Variants in GSN observed in about 807,000 individuals in gnomAD.
GSN encodes gelsolin.
GSN carries 56 observed loss-of-function variants against 85.7 expected under a neutral mutation model. The observed-to-expected ratio is 0.65, with a 90% CI of 0.53 to 0.82. The LOEUF is 0.82. Ranked by LOEUF, GSN falls within the 40% of genes least tolerant of loss-of-function variation. GSN has a pLI of 0.00. For missense variants in GSN, 857 were observed against 979.8 expected, an observed-to-expected ratio of 0.87 and a Z score of 1.67; for synonymous variants, 373 against 399.1, an observed-to-expected ratio of 0.93 and a Z score of 0.78.
chr9:121,328,879 C>T lies in GSN; in HGVS notation c.1763-12C>T. On this transcript the variant is annotated splice_polypyrimidine_tract_variant and intron_variant, in intron 14 of 17. Coordinates refer to ENST00000432226, the MANE Select transcript of GSN (RefSeq NM_198252.3). ...GGCGTCCCTTGGCAACTGGCGTGGCCTCCCCTCACAGATGGCTTCTGGGAG... is the reference window on the plus strand; with the variant it reads ...GGCGTCCCTTGGCAACTGGCGTGGCTTCCCCTCACAGATGGCTTCTGGGAG... 6.2e-7 allele frequency: 1 copy of T among 1,610,012 alleles called. No homozygotes were observed. The highest frequency in any genetic ancestry group is 1.1e-5 in the South Asian group (1 of 91,066).
At chr9:121,331,501 G>A (rs779534242) in intron 17 of GSN, 53 bp downstream of exon 17, 2 of 1,024,552 alleles carry the variant, frequency 2.0e-6, no homozygotes, top group Non-Finnish European at 3.0e-6. Context: ...CTTGTGGGGT[G>A]CTGGGAGTGG....
intron 4 of GSN, chr9:121,223,055 CATTTT>C (rs1307371446): frequency 6.6e-6 from 1 of 152,154 alleles, no homozygotes; most frequent in Non-Finnish European, 1.5e-5. Context: ...TCACTTGAGG[CATTTT>C]TTTCCCTTAC....
At chr9:121,208,636 C>T (rs1223606521) in intron 1 of GSN, among the ~76,000 whole-genome samples, 1 of 152,228 alleles carries the variant, frequency 6.6e-6, no homozygotes, top group Non-Finnish European at 1.5e-5. Flanking sequence ...CACATGCCTT[C>T]CTGTTAAGTG....
intron 11 of GSN, among the ~76,000 whole-genome samples, chr9:121,322,640 G>A (rs925132545): frequency 2.0e-5 from 3 of 152,114 alleles, no homozygotes; most frequent in African/African-American, 2.4e-5. Flanking sequence ...GATAGTGTTC[G>A]TAGCATTTTA....
intron 2 of GSN, chr9:121,300,124 T>C (rs930818770): frequency 1.9e-6 from 3 of 1,604,854 alleles, no homozygotes; most frequent in Non-Finnish European, 1.7e-6. Flanking sequence ...GTTTTGTTGC[T>C]TTGTAAGTAT....
Position 121,318,668 on chromosome 9 carries a change from T to A in GSN, c.979T>A (p.Ser327Thr). Residue 327 changes from serine to threonine, a missense_variant, in exon 10 of 18, where the codon TCG becomes ACG. Transcript: ENST00000432226. The surrounding 1 kb of genome is among the most constrained non-coding windows in gnomAD (Gnocchi z 4.3). ...KMDYPKQTQV[S>T]VLPEGGETPL... ...CTCCTCTGCCTCCCCTCCCCAGGTC[T>A]CGGTCCTTCCTGAGGGCGGTGAGAC... The A allele has an allele frequency of 6.2e-7, 1 of 1,611,708 alleles. No homozygotes were observed. The highest frequency in any genetic ancestry group is 8.5e-7 in the Non-Finnish European group (1 of 1,177,758).
chr9:121,291,135 G>A (rs930245996), intron 2 of GSN, among the ~76,000 whole-genome samples: 2 of 151,926 alleles, frequency 1.3e-5, no homozygotes, highest in African/African-American at 2.4e-5. Flanking sequence ...ATAGTTTATT[G>A]TTACATAGAA....
Position 121,317,197 on chromosome 9 carries a change from GGGAAAATCTTTGTCT to G in GSN, c.871_885del (p.Ile291_Lys295del). ...CTTCATCCTGGACCACGGCAAAGAT[GGGAAAATCTTTGTCT>G]GGAAAGGTACTGGAGACAGGGAAAG... is the stretch of plus-strand genomic sequence containing the variant. On this transcript the variant is annotated inframe_deletion, in exon 8 of 18. Coordinates refer to ENST00000432226, the MANE Select transcript of GSN (RefSeq NM_198252.3). 3 of 1,614,170 alleles carry G rather than the reference GGGAAAATCTTTGTCT, an allele frequency of 1.9e-6. No individual in the cohort carries two copies. Among genetic ancestry groups the G allele is most frequent in the Non-Finnish European group, 2.5e-6 (3 of 1,180,016 alleles).
chr9:121,293,695 C>A, intron 2 of GSN, among the ~76,000 whole-genome samples: 1 of 97,690 alleles, frequency 1.0e-5, no homozygotes, highest in Admixed American at 1.3e-4. Flanking sequence ...GAGACCCCAT[C>A]TCAAAAAAAA....
In GSN at chr9:121,332,607, G is replaced by C. The variant is rs1406292881; in HGVS notation, c.*4G>C. On this transcript the variant is annotated 3_prime_UTR_variant, in exon 18 of 18. Transcript: ENST00000432226. This position sits in a 1 kb window ranked among gnomAD's most constrained non-coding sequence, Gnocchi z 4.8. ...CATGGCTGAGCTGGCTGCCTGAGGA[G>C]GGGCAGGGCCCACCCATGTCACCGG... The C allele has an allele frequency of 2.5e-6, 4 of 1,611,778 alleles. No homozygotes were observed. Among genetic ancestry groups the C allele is most frequent in the Non-Finnish European group, 3.4e-6 (4 of 1,178,838 alleles).
At chr9:121,203,677 C>T (rs1415972312), upstream of GSN, among the ~76,000 whole-genome samples, 1 of 152,148 alleles carries the variant, frequency 6.6e-6, no homozygotes, top group African/African-American at 2.4e-5. Flanking sequence ...GACCTGGGTT[C>T]GAATTCCTGC....
chr9:121,260,025 T>C (rs1397160551), intron 6 of GSN, among the ~76,000 whole-genome samples: 2 of 152,182 alleles, frequency 1.3e-5, no homozygotes, highest in Non-Finnish European at 2.9e-5. Context: ...ATATAAGATT[T>C]CTAGCCAGCT....
intron 5 of GSN, among the ~76,000 whole-genome samples, chr9:121,246,440 C>T (rs770550245): frequency 3.2e-4 from 49 of 151,972 alleles, no homozygotes; most frequent in African/African-American, 6.0e-4. Context: ...CTAGTTAATG[C>T]GAAAATGAGG....
In GSN at chr9:121,326,469, C is replaced by G. The variant is rs1416264143; in HGVS notation, c.1417-43C>G. On this transcript the variant is annotated intron_variant, in intron 12 of 17. Coordinates refer to ENST00000432226, the MANE Select transcript of GSN (RefSeq NM_198252.3). ...CAGTGCGACATAGAAGGACTGAAGCCTGCCCCCAAGGTCCCTGACTTGCTC... is the reference window on the plus strand; with the variant it reads ...CAGTGCGACATAGAAGGACTGAAGCGTGCCCCCAAGGTCCCTGACTTGCTC... 5.8e-6 allele frequency: 9 copies of G among 1,555,324 alleles called. No homozygotes were observed. The South Asian group carries it at 1.0e-4, about 17-fold the overall frequency.
chr9:121,213,358 C>T (rs994945169), intron 4 of GSN, among the ~76,000 whole-genome samples: 3 of 152,144 alleles, frequency 2.0e-5, no homozygotes, highest in African/African-American at 7.2e-5. Flanking sequence ...ATCAAAACGA[C>T]AAATCCAGAG....
chr9:121,248,905 T>A (rs2054756949), intron 6 of GSN, among the ~76,000 whole-genome samples: 1 of 152,044 alleles, frequency 6.6e-6, no homozygotes, highest in African/African-American at 2.4e-5. Flanking sequence ...TGGGGGCTGT[T>A]GAAGATTTTT....
Position 121,321,346 on chromosome 9 carries a change from A to G in GSN, c.1270A>G (p.Ile424Val). Residue 424 changes from isoleucine to valine, a missense_variant, in exon 11 of 18, where the codon ATC becomes GTC. Ile to Val is a conservative substitution (Grantham distance 29). Coordinates refer to ENST00000432226, the MANE Select transcript of GSN (RefSeq NM_198252.3). The stretch of plus-strand genomic sequence containing the variant: ...ACAGTTCTATGGAGGCGACAGCTAC[A>G]TCATTCTGTACAACTACCGCCATGG... ...YGQFYGGDSY[I>V]ILYNYRHGGR... is the part of the protein sequence containing the mutation. The G allele has an allele frequency of 6.2e-7, 1 of 1,614,086 alleles. No homozygotes were observed. Among genetic ancestry groups the G allele is most frequent in the Non-Finnish European group, 8.5e-7 (1 of 1,179,930 alleles).
chr9:121,299,940 G>C lies in GSN; in HGVS notation c.-9-2023G>C. ...GTGCGCGCTGTCGCTGCCCGTCCGC[G>C]CGGCCACTGCGTCGCGGGGGGCGTC... is the stretch of plus-strand genomic sequence containing the variant. On this transcript the variant is annotated intron_variant, in intron 2 of 17. Transcript: ENST00000432226. This position sits in a 1 kb window ranked among gnomAD's most constrained non-coding sequence, Gnocchi z 4.2. The C allele has an allele frequency of 7.9e-7, 1 of 1,260,960 alleles. No individual in the cohort carries two copies. The highest frequency in any genetic ancestry group is 2.4e-4 in the Middle Eastern group (1 of 4,154). 78.1% of individuals were successfully genotyped at this position (1,260,960 alleles called of 1,614,324 possible).
upstream of GSN, among the ~76,000 whole-genome samples, chr9:121,206,368 G>A (rs983168991): frequency 6.6e-6 from 1 of 151,934 alleles, no homozygotes; most frequent in African/African-American, 2.4e-5. Flanking sequence ...AAAATCAAGG[G>A]CATGAGACTC....
Sources: gnomAD v4.1 joint callset for allele counts (sites outside exome capture counted in the v4.1 genomes callset) on GRCh38, gnomAD v4.1.1 for gene constraint, Gnocchi (gnomAD v3.1) non-coding constraint, MANE v1.5 for transcripts, NCBI Gene and HGNC (gene_info 2026-07-23, HGNC 2026-07-21) for gene names.